The following PIK3CD variants were observed in gnomAD, a reference collection of about 807,000 sequenced individuals.
PIK3CD encodes the protein phosphatidylinositol-4,5-bisphosphate 3-kinase catalytic subunit delta, also known as phosphatidylinositol 4,5-bisphosphate 3-kinase catalytic subunit delta isoform.
PIK3CD carries 20 observed loss-of-function variants against 122.9 expected under a neutral mutation model. The observed-to-expected ratio is 0.16, with a 90% CI of 0.11 to 0.24. PIK3CD has a LOEUF of 0.24. Ranked by LOEUF, PIK3CD falls within the 10% of genes least tolerant of loss-of-function variation. The pLI, the probability that PIK3CD is intolerant of heterozygous loss-of-function variation, is 1.00. For synonymous variants in PIK3CD, 596 were observed against 593.4 expected, an observed-to-expected ratio of 1.00 and a Z score of -0.06; for missense variants, 787 against 1,406.3, an observed-to-expected ratio of 0.56 and a Z score of 7.04.
chr1:9,678,607 G>C (rs996030538), intron 1 of PIK3CD, among the ~76,000 whole-genome samples: 2 of 152,190 alleles, frequency 1.3e-5, no homozygotes, highest in African/African-American at 4.8e-5. Context: ...CACAGACTCT[G>C]TTGGTGTGCA....
intron 1 of PIK3CD, among the ~76,000 whole-genome samples, chr1:9,679,916 C>T (rs145833430): frequency 2.0e-5 from 3 of 152,172 alleles, no homozygotes; most frequent in African/African-American, 7.2e-5. Flanking sequence ...CCTCTGCCTC[C>T]CGGGTTCAAG....
At chr1:9,634,390 T>TA in the PIK3CD span, among the ~76,000 whole-genome samples, 1 of 151,960 alleles carries the variant, frequency 6.6e-6, no homozygotes, top group Non-Finnish European at 1.5e-5. Flanking sequence ...TTGAACTCCT[T>TA]ACCTCATGTG....
rs1163819395 is a variant in PIK3CD at position 9,724,990 on chromosome 1, C to T, written c.2997+54C>T. 23 of 1,606,172 alleles carry T rather than the reference C, an allele frequency of 1.4e-5. No individual in the cohort carries two copies. Among genetic ancestry groups the T allele is most frequent in the Middle Eastern group, 1.6e-4 (1 of 6,078 alleles). ...CCAGTGGACTTCCAAGGCCTGCCCC[C>T]GAGCAATGTGACCTAGGAGGGCCCT... On this transcript the variant is annotated intron_variant, in intron 23 of 23. Transcript: ENST00000377346. This position sits in a 1 kb window ranked among gnomAD's most constrained non-coding sequence, Gnocchi z 7.3.
upstream of PIK3CD, among the ~76,000 whole-genome samples, chr1:9,650,235 A>G (rs1557583398): frequency 6.6e-6 from 1 of 152,156 alleles, no homozygotes; most frequent in Non-Finnish European, 1.5e-5. Context: ...CAGCCTGGTG[A>G]ACATGGCGAA....
At chr1:9,628,176 C>T in the PIK3CD span, among the ~76,000 whole-genome samples, 1 of 152,156 alleles carries the variant, frequency 6.6e-6, no homozygotes, top group Non-Finnish European at 1.5e-5. Flanking sequence ...GTGGCGCATT[C>T]CTGTAACCCC....
upstream of PIK3CD, among the ~76,000 whole-genome samples, chr1:9,651,038 G>A (rs947685760): frequency 1.3e-5 from 2 of 152,112 alleles, no homozygotes; most frequent in Admixed American, 6.6e-5. Flanking sequence ...AGAGACGGGG[G>A]TTTCCCTATG....
At position 9,675,676 on chromosome 1, in the gene PIK3CD, T is replaced by C. The variant is rs1314024107; in HGVS notation, c.-137-15791T>C. Among the ~76,000 whole-genome samples, 5 of 151,952 alleles carry C rather than the reference T, an allele frequency of 3.3e-5. No homozygotes were observed. In the East Asian group the frequency reaches 7.7e-4, roughly 23 times the overall value. ...ATGCAGGAGGGGCTTCCTGGCTCTT[T>C]TTCACTTGTCCCCTCACCCCCACCC... On this transcript the variant is annotated intron_variant, in intron 1 of 23. Transcript: ENST00000377346.
intron 1 of PIK3CD, among the ~76,000 whole-genome samples, chr1:9,674,563 G>A (rs578115356): frequency 3.3e-5 from 5 of 151,948 alleles, no homozygotes; most frequent in South Asian, 4.2e-4. Flanking sequence ...GGTGGTGGGT[G>A]TCTGTAATCC....
upstream of PIK3CD, among the ~76,000 whole-genome samples, chr1:9,648,981 A>C (rs1644632284): frequency 6.6e-6 from 1 of 152,158 alleles, no homozygotes; most frequent in South Asian, 2.1e-4. Flanking sequence ...ACGCATCTGC[A>C]GTCCCAGCTA....
chr1:9,631,863 T>TC, the PIK3CD span, among the ~76,000 whole-genome samples: 1 of 151,882 alleles, frequency 6.6e-6, no homozygotes, highest in Non-Finnish European at 1.5e-5. Context: ...CAAATACCTC[T>TC]CCCCCGTCAA....
Position 9,717,831 on chromosome 1 carries a change from G to C in PIK3CD, c.1020+205G>C, listed in dbSNP as rs773363137. Among the ~76,000 whole-genome samples, 3 of 152,214 alleles carry C rather than the reference G, an allele frequency of 2.0e-5. No homozygotes were observed. Among genetic ancestry groups the C allele is most frequent in the Non-Finnish European group, 4.4e-5 (3 of 68,028 alleles). Reference sequence around the variant, plus strand: ...GCCAGCCGGCCCTGGAGGCTGATTCGTAGAAACTTGGGCCAAGCAGCGTTC... The same window carrying C: ...GCCAGCCGGCCCTGGAGGCTGATTCCTAGAAACTTGGGCCAAGCAGCGTTC... On this transcript the variant is annotated intron_variant, in intron 8 of 23. Coordinates refer to ENST00000377346, the MANE Select transcript of PIK3CD (RefSeq NM_005026.5). This position sits in a 1 kb window ranked among gnomAD's most constrained non-coding sequence, Gnocchi z 5.4.
rs1052762266 is a variant in PIK3CD at position 9,716,625 on chromosome 1, G to T, written c.780+6G>T. Reference sequence around the variant, plus strand: ...ACCCGCTCTGCCAGTTCCAGGTGAGGCCGCTGAGGCCCTCTGCACTCTGGG... The same window carrying T: ...ACCCGCTCTGCCAGTTCCAGGTGAGTCCGCTGAGGCCCTCTGCACTCTGGG... On this transcript the variant is annotated splice_donor_region_variant and intron_variant, in intron 6 of 23. Transcript: ENST00000377346. 34 of 1,552,070 alleles carry T rather than the reference G, an allele frequency of 2.2e-5. No homozygotes were observed. The highest frequency in any genetic ancestry group is 2.9e-5 in the Non-Finnish European group (33 of 1,148,808).
chr1:9,680,780 G>A (rs938998147), intron 1 of PIK3CD: 4 of 152,224 alleles, frequency 2.6e-5, no homozygotes, highest in African/African-American at 9.7e-5. Flanking sequence ...CAGCAGGAAC[G>A]CGGCAGCCAT....
chr1:9,675,385 CAAA>C lies in PIK3CD; in HGVS notation c.-137-16061_-137-16059del, dbSNP rs34447888. ...TGGGCCACAGAGCGAGACTCCGTCT[CAAA>C]AAAAAAAAAAAAAAAAAAAAGACAA... On this transcript the variant is annotated intron_variant, in intron 1 of 23. Coordinates refer to ENST00000377346, the MANE Select transcript of PIK3CD (RefSeq NM_005026.5). Among the ~76,000 whole-genome samples, 13 of 59,486 alleles carry C rather than the reference CAAA, an allele frequency of 2.2e-4. No homozygotes were observed. The South Asian group carries it at 2.2e-3, about 10-fold the overall frequency. 39.0% of individuals were successfully genotyped at this position (59,486 alleles called of 152,430 possible).
chr1:9,717,694 G>C lies in PIK3CD; in HGVS notation c.1020+68G>C. On this transcript the variant is annotated intron_variant, in intron 8 of 23. Transcript: ENST00000377346. The surrounding 1 kb of genome is among the most constrained non-coding windows in gnomAD (Gnocchi z 5.4). ...ACAAACAAGGTGGCTGTATCCTGGAGGGGTAGCAGAGGAAGGAGGGGGATC... is the reference window on the plus strand; with the variant it reads ...ACAAACAAGGTGGCTGTATCCTGGACGGGTAGCAGAGGAAGGAGGGGGATC... The C allele has an allele frequency of 7.1e-7, 1 of 1,408,444 alleles. No homozygotes were observed. The highest frequency in any genetic ancestry group is 1.0e-6 in the Non-Finnish European group (1 of 1,001,902). 87.2% of individuals were successfully genotyped at this position (1,408,444 alleles called of 1,614,324 possible). A position where few individuals can be genotyped will look rare whatever the true frequency, so the allele number is the denominator to read the frequency against.
rs371112902 is a variant in PIK3CD at position 9,721,123 on chromosome 1, C to G, written c.1690-4C>G. The G allele has an allele frequency of 8.5e-5, 137 of 1,610,510 alleles. No individual in the cohort carries two copies. Among genetic ancestry groups the G allele is most frequent in the Middle Eastern group, 1.6e-4 (1 of 6,084 alleles). On this transcript the variant is annotated splice_region_variant and splice_polypyrimidine_tract_variant and intron_variant, in intron 13 of 23. Transcript: ENST00000377346. ...CCCCCAAGCCTGACCTCGGCTCCCC[C>G]CAGATGCTCTACCTGCTGTGCTCCT... is the stretch of plus-strand genomic sequence containing the variant.
chr1:9,699,883 G>A (rs1170654193), intron 2 of PIK3CD, among the ~76,000 whole-genome samples: 5 of 152,022 alleles, frequency 3.3e-5, no homozygotes, highest in South Asian at 2.1e-4. Flanking sequence ...GTGAGCCACC[G>A]CCCCCGGCCC....
rs1427534299 is a variant in PIK3CD at position 9,718,203 on chromosome 1, AAGC to A, written c.1021-488_1021-486del. 1.5e-5 allele frequency: 7 copies of A among 465,462 alleles called. No individual in the cohort carries two copies. The highest frequency in any genetic ancestry group is 3.0e-5 in the Non-Finnish European group (7 of 233,706). 28.8% of individuals were successfully genotyped at this position (465,462 alleles called of 1,614,324 possible). Reference sequence around the variant, plus strand: ...GTGTGTTTCACTGGGGAAATCGTATAAGCAGGGCAGGTCTGGGTTCCACTGGCA... The same window carrying A: ...GTGTGTTTCACTGGGGAAATCGTATAAGGGCAGGTCTGGGTTCCACTGGCA... On this transcript the variant is annotated intron_variant, in intron 8 of 23. Transcript: ENST00000377346. This position sits in a 1 kb window ranked among gnomAD's most constrained non-coding sequence, Gnocchi z 7.2.
In PIK3CD at chr1:9,722,524, A is replaced by G. The variant is rs1483385418; in HGVS notation, c.2348-4A>G. ...GCTTCTCCTCCCACCGGCCGGTGGC[A>G]CAGACCTCCGGCAGGACATGCTGAC... On this transcript the variant is annotated splice_region_variant and splice_polypyrimidine_tract_variant and intron_variant, in intron 18 of 23. Coordinates refer to ENST00000377346, the MANE Select transcript of PIK3CD (RefSeq NM_005026.5). This position sits in a 1 kb window ranked among gnomAD's most constrained non-coding sequence, Gnocchi z 7.6. 6.2e-7 allele frequency: 1 copy of G among 1,612,426 alleles called. No individual in the cohort carries two copies.
Sources: allele counts gnomAD v4.1 joint callset (sites outside exome capture counted in the v4.1 genomes callset), GRCh38; gene constraint gnomAD v4.1.1; non-coding constraint Gnocchi (gnomAD v3.1); transcripts MANE v1.5; gene names NCBI Gene and HGNC (gene_info 2026-07-23, HGNC 2026-07-21).